SLC39A12: variants seen among roughly 807,000 people sequenced by gnomAD.
The protein encoded by SLC39A12 is solute carrier family 39 member 12.
A neutral mutation model predicts 71.1 loss-of-function variants in SLC39A12; 63 were observed. The ratio of observed to expected loss-of-function variants is 0.89; its 90% CI spans 0.72 to 1.09. SLC39A12 has a LOEUF of 1.09. Ranked by LOEUF, SLC39A12 falls within the 50% of genes least tolerant of loss-of-function variation. The probability of loss-of-function intolerance (pLI) is 0.00; values close to 1 mark genes in which losing one functional copy is unlikely to be tolerated. For missense variants in SLC39A12, 892 were observed against 812.6 expected, an observed-to-expected ratio of 1.10 and a Z score of -1.19; for synonymous variants, 351 against 301.3, an observed-to-expected ratio of 1.16 and a Z score of -1.71.
chr10:18,008,152 C>T (rs779022913), intron 12 of SLC39A12, among the ~76,000 whole-genome samples: 2 of 152,134 alleles, frequency 1.3e-5, no homozygotes, highest in East Asian at 1.9e-4. Context: ...CTGTTAGGAA[C>T]GAGGCCGCAC....
At chr10:17,962,432 T>C (rs903843871) in intron 3 of SLC39A12, among the ~76,000 whole-genome samples, 1 of 152,192 alleles carries the variant, frequency 6.6e-6, no homozygotes, top group Admixed American at 6.5e-5. Context: ...CTGGTCTCTG[T>C]TGCCTTCATT....
intron 12 of SLC39A12, among the ~76,000 whole-genome samples, chr10:18,037,922 A>G (rs1837105667): frequency 6.9e-6 from 1 of 145,484 alleles, no homozygotes; most frequent in Non-Finnish European, 1.5e-5. Flanking sequence ...TGGGCGACTG[A>G]GGCAGGGGAA....
intron 9 of SLC39A12, among the ~76,000 whole-genome samples, chr10:17,994,820 C>A (rs774471797): frequency 1.2e-4 from 19 of 152,176 alleles, no homozygotes. Flanking sequence ...TACACACACA[C>A]AAAATGCATT....
intron 10 of SLC39A12, among the ~76,000 whole-genome samples, chr10:17,996,809 A>G (rs1055335548): frequency 1.4e-4 from 22 of 152,038 alleles, no homozygotes; most frequent in Admixed American, 1.2e-3. Flanking sequence ...CATCCTGGCT[A>G]ATATGGTGAA....
intron 4 of SLC39A12, among the ~76,000 whole-genome samples, chr10:17,969,435 T>C (rs74726746): frequency 0.014 from 2,067 of 152,308 alleles, 41 homozygotes; most frequent in African/African-American, 0.043. Flanking sequence ...CTTTTCTCCA[T>C]ATCCTTGCCA....
intron 4 of SLC39A12, among the ~76,000 whole-genome samples, chr10:17,972,424 C>G (rs531517440): frequency 6.6e-6 from 1 of 152,240 alleles, no homozygotes; most frequent in African/African-American, 2.4e-5. Flanking sequence ...CTAATGCTGA[C>G]AGTGGGGTGT....
intron 4 of SLC39A12, among the ~76,000 whole-genome samples, chr10:17,972,212 A>G (rs904291060): frequency 2.6e-5 from 4 of 152,248 alleles, no homozygotes; most frequent in African/African-American, 9.6e-5. Context: ...TGTTATTTCA[A>G]TTTTTTAAAA....
At chr10:18,041,458 T>A (rs1431505235) in intron 12 of SLC39A12, among the ~76,000 whole-genome samples, 2 of 149,532 alleles carry the variant, frequency 1.3e-5, no homozygotes, top group Non-Finnish European at 3.0e-5. Context: ...ATCCCACCAC[T>A]GCACTCCAGC....
At position 17,981,302 on chromosome 10, in the gene SLC39A12, C is replaced by T. The variant is rs747301784; in HGVS notation, c.925-10C>T. On this transcript the variant is annotated splice_polypyrimidine_tract_variant and intron_variant, in intron 5 of 12. Coordinates refer to ENST00000377369, the MANE Select transcript of SLC39A12 (RefSeq NM_001145195.2). The stretch of plus-strand genomic sequence containing the variant: ...GAGATTAGTAACAATGTTATGTTTT[C>T]CTCACACAGACCTGCTTCTCTGCTA... The T allele has an allele frequency of 1.6e-5, 26 of 1,591,858 alleles. No individual in the cohort carries two copies. The highest frequency in any genetic ancestry group is 2.2e-5 in the Non-Finnish European group (26 of 1,167,272).
Position 17,987,513 on chromosome 10 carries a change from C to A in SLC39A12, c.1131C>A (p.Leu377=). The change falls in exon 7 of 13, where the codon CTC becomes CTA. Residue 377 remains leucine, a synonymous_variant. Coordinates refer to ENST00000377369, the MANE Select transcript of SLC39A12 (RefSeq NM_001145195.2). ...YGYSTVAVTL[L]TLGSMLGTAL... Reference sequence around the variant, plus strand: ...ACAGCACGGTGGCTGTCACCCTTCTCACACTGGGCTCCATGCTGGGGACAG... The same window carrying A: ...ACAGCACGGTGGCTGTCACCCTTCTAACACTGGGCTCCATGCTGGGGACAG... The A allele has an allele frequency of 6.2e-7, 1 of 1,613,982 alleles. No homozygotes were observed. Among genetic ancestry groups the A allele is most frequent in the Non-Finnish European group, 8.5e-7 (1 of 1,179,976 alleles).
intron 9 of SLC39A12, 78 bp from the exon 10 acceptor site, chr10:17,995,578 A>T: frequency 7.5e-7 from 1 of 1,332,542 alleles, no homozygotes; most frequent in Non-Finnish European, 1.1e-6. Context: ...AACCCATGTA[A>T]CTCTCCAGAT....
At chr10:18,034,548 C>A (rs1235620288) in intron 12 of SLC39A12, among the ~76,000 whole-genome samples, 2 of 150,954 alleles carry the variant, frequency 1.3e-5, no homozygotes. Flanking sequence ...TGTCTCTGCA[C>A]ATGAGATGGG....
rs779123333 is a variant in SLC39A12 at position 17,995,661 on chromosome 10, C to T, written c.1539C>T (p.Ser513=). Residue 513 remains serine (S), a synonymous_variant, in exon 10 of 13, where the codon AGC becomes AGT. Coordinates refer to ENST00000377369, the MANE Select transcript of SLC39A12 (RefSeq NM_001145195.2). The stretch of plus-strand genomic sequence containing the variant: ...TATTTTTTAATTTAAAATAGAAAAG[C>T]CCAGAAGATTCACAGGCAGCTGAAA... ...GKSASTIQLK[S]PEDSQAAEMP... is the part of the protein sequence containing the mutation. 1.9e-6 allele frequency: 3 copies of T among 1,612,400 alleles called. No individual in the cohort carries two copies. The Admixed American group carries it at 5.0e-5, about 27-fold the overall frequency.
rs191718247 is a variant in SLC39A12 at position 17,954,626 on chromosome 10, G to A, written c.261+1089G>A. Among the ~76,000 whole-genome samples, 7 of 152,238 alleles carry A rather than the reference G, an allele frequency of 4.6e-5. No individual in the cohort carries two copies. In the East Asian group the frequency reaches 1.3e-3, roughly 29 times the overall value. ...TTAGGGAGGGTGGGGTAGGATGGAA[G>A]GAGGTGAGAACTCATGTGTTTAAAT... On this transcript the variant is annotated intron_variant, in intron 2 of 12. Coordinates refer to ENST00000377369, the MANE Select transcript of SLC39A12 (RefSeq NM_001145195.2).
At chr10:18,004,948 A>G (rs1215419691) in intron 12 of SLC39A12, among the ~76,000 whole-genome samples, 3 of 152,120 alleles carry the variant, frequency 2.0e-5, no homozygotes, top group African/African-American at 4.8e-5. Flanking sequence ...GCTAGAAGCC[A>G]TTATCCCCAG....
chr10:18,035,960 G>A (rs541882380), intron 12 of SLC39A12, among the ~76,000 whole-genome samples: 340 of 152,250 alleles, frequency 2.2e-3, no homozygotes, highest in Non-Finnish European at 3.7e-3. Flanking sequence ...TAGGCTGCTC[G>A]GGGGTCAGGG....
At chr10:17,977,727 C>A (rs1157324823) in intron 4 of SLC39A12, among the ~76,000 whole-genome samples, 175 bp from the exon 5 acceptor site, 3 of 152,070 alleles carry the variant, frequency 2.0e-5, no homozygotes, top group African/African-American at 7.2e-5. Flanking sequence ...AAAGAAAATC[C>A]TTGACGCAAT....
chr10:17,961,847 C>T lies in SLC39A12; in HGVS notation c.528C>T (p.Asp176=), dbSNP rs143514081. 1.8e-4 allele frequency: 289 copies of T among 1,613,214 alleles called. 4 individuals carry two copies. In the African/African-American group the frequency reaches 3.3e-3, roughly 19 times the overall value. ...TGGCTTTCACCAGGCAGTACTTTGA[C>T]ACTTCTCAAAGCCAGGTAAGAAGGC... ...DILAFTRQYF[D]TSQSQCMETK... Residue 176 remains aspartate (D), a synonymous_variant, in exon 3 of 13, where the codon GAC becomes GAT. Transcript: ENST00000377369.
At chr10:18,033,342 T>TGA (rs1836904914) in intron 12 of SLC39A12, among the ~76,000 whole-genome samples, 1 of 150,434 alleles carries the variant, frequency 6.6e-6, no homozygotes, top group Non-Finnish European at 1.5e-5. Context: ...GTTATTGGTC[T>TGA]ATTCAGAGAT....
Sources: gnomAD v4.1 joint callset for allele counts (sites outside exome capture counted in the v4.1 genomes callset) on GRCh38, gnomAD v4.1.1 for gene constraint, MANE v1.5 for transcripts, NCBI Gene and HGNC (gene_info 2026-07-23, HGNC 2026-07-21) for gene names.